The following GRAMD1B variants were observed in gnomAD, a reference collection of about 807,000 sequenced individuals.
GRAMD1B encodes the protein protein Aster-B.
A neutral mutation model predicts 99.7 loss-of-function variants in GRAMD1B; 37 were observed. That is an observed-to-expected ratio of 0.37 (90% CI 0.29 to 0.49). The LOEUF (loss-of-function observed/expected upper bound fraction) is 0.49, where lower values mean the gene tolerates loss of function less well. GRAMD1B is among the 20% of genes least tolerant of loss of function. The pLI is 0.98. For synonymous variants in GRAMD1B, 427 were observed against 387.6 expected, an observed-to-expected ratio of 1.10 and a Z score of -1.19; for missense variants, 888 against 1,009.2, an observed-to-expected ratio of 0.88 and a Z score of 1.63.
At chr11:123,369,433 A>G (rs1346459692) in intron 1 of GRAMD1B, among the ~76,000 whole-genome samples, 1 of 152,256 alleles carries the variant, frequency 6.6e-6, no homozygotes, top group Non-Finnish European at 1.5e-5. Context: ...AACAGAATCT[A>G]GCAAAAAATA....
chr11:123,389,300 C>T (rs938328859), intron 1 of GRAMD1B, among the ~76,000 whole-genome samples: 7 of 151,486 alleles, frequency 4.6e-5, no homozygotes, highest in South Asian at 4.2e-4. Flanking sequence ...AGGAGAATGG[C>T]GAGATCCTGG....
chr11:123,474,893 C>T (rs60778788), intron 1 of GRAMD1B, among the ~76,000 whole-genome samples: 2,576 of 152,198 alleles, frequency 0.017, 85 homozygotes, highest in African/African-American at 0.058. Flanking sequence ...ATGTAGTTTC[C>T]ATCAGGCTCT....
intron 1 of GRAMD1B, among the ~76,000 whole-genome samples, chr11:123,400,802 C>T (rs1044230056): frequency 6.6e-6 from 1 of 152,124 alleles, no homozygotes; most frequent in African/African-American, 2.4e-5. Context: ...ATATGGTTTG[C>T]ATATATGTTC....
At chr11:123,618,425 A>G (rs1467472649) in intron 17 of GRAMD1B, 13 of 1,437,782 alleles carry the variant, frequency 9.0e-6, no homozygotes, top group Non-Finnish European at 1.2e-5. Context: ...CTCTTCCCCC[A>G]GGTGCCCAGG....
intron 1 of GRAMD1B, among the ~76,000 whole-genome samples, chr11:123,360,427 G>A (rs1946099573): frequency 6.6e-6 from 1 of 152,200 alleles, no homozygotes; most frequent in Non-Finnish European, 1.5e-5. Context: ...ACTTGCTTAG[G>A]AGATCTCATC....
At chr11:123,393,343 G>C (rs547663149) in intron 1 of GRAMD1B, among the ~76,000 whole-genome samples, 4 of 152,136 alleles carry the variant, frequency 2.6e-5, no homozygotes, top group Non-Finnish European at 5.9e-5. Flanking sequence ...AAATTACCCA[G>C]AACATAGCAA....
intron 2 of GRAMD1B, among the ~76,000 whole-genome samples, chr11:123,567,473 C>T (rs1947517384): frequency 6.6e-6 from 1 of 152,154 alleles, no homozygotes; most frequent in Non-Finnish European, 1.5e-5. Flanking sequence ...TTTGAAATAT[C>T]CTTTGAGATA....
chr11:123,382,892 C>A (rs1390897287), intron 1 of GRAMD1B, among the ~76,000 whole-genome samples: 1 of 152,198 alleles, frequency 6.6e-6, no homozygotes, highest in Non-Finnish European at 1.5e-5. Context: ...AGCTGAGGGA[C>A]AAGCCCCTGT....
Position 123,595,541 on chromosome 11 carries a change from G to A in GRAMD1B, c.874-401G>A, listed in dbSNP as rs145736818. 4.1e-3 allele frequency among the ~76,000 whole-genome samples: 628 copies of A among 152,160 alleles called. 4 individuals carry two copies. The highest frequency in any genetic ancestry group is 0.014 in the South Asian group (67 of 4,806). ...ACTGCCGACCTCAGGTGATCCGCCC[G>A]CCTCCGCCTCCCAAAGTGCTGTGAT... On this transcript the variant is annotated intron_variant, in intron 6 of 19. Coordinates refer to ENST00000635736, the MANE Select transcript of GRAMD1B (RefSeq NM_001387025.1).
intron 2 of GRAMD1B, among the ~76,000 whole-genome samples, chr11:123,540,261 G>A (rs547442287): frequency 4.7e-4 from 70 of 148,854 alleles, no homozygotes; most frequent in African/African-American, 1.7e-3. Flanking sequence ...TGTATTTTTT[G>A]TATAGACGGA....
intron 2 of GRAMD1B, among the ~76,000 whole-genome samples, chr11:123,557,059 T>C (rs1396457038): frequency 1.3e-5 from 2 of 152,222 alleles, no homozygotes; most frequent in African/African-American, 4.8e-5. Flanking sequence ...CCATGTACTA[T>C]AGGCAAGTTA....
chr11:123,395,545 A>G (rs1342803637), intron 1 of GRAMD1B, among the ~76,000 whole-genome samples: 1 of 152,200 alleles, frequency 6.6e-6, no homozygotes, highest in Non-Finnish European at 1.5e-5. Context: ...GACAAAGAAA[A>G]TATCAGAGTT....
Position 123,626,320 on chromosome 11 carries a change from A to T in GRAMD1B, c.*3725A>T, listed in dbSNP as rs368185437. 6.6e-6 allele frequency: 1 copy of T among 152,218 alleles called. No homozygotes were observed. Among genetic ancestry groups the T allele is most frequent in the Non-Finnish European group, 1.5e-5 (1 of 68,078 alleles). The allele number at this position is 152,218 out of a possible 1,614,324, so 9.4% of individuals were successfully genotyped here. On this transcript the variant is annotated 3_prime_UTR_variant, in exon 20 of 20. Coordinates refer to ENST00000635736, the MANE Select transcript of GRAMD1B (RefSeq NM_001387025.1). ...GGAATGACATGGGGAGGACAAAGAG[A>T]GCTCAAGAGGAATGCTTTGTGAGAA...
intron 1 of GRAMD1B, among the ~76,000 whole-genome samples, chr11:123,380,422 A>G (rs1234407032): frequency 1.3e-5 from 2 of 152,228 alleles, no homozygotes; most frequent in African/African-American, 2.4e-5. Context: ...TAGAGGAAAA[A>G]GAGTTTAGCA....
chr11:123,612,912 C>T lies in GRAMD1B; in HGVS notation c.2023+48C>T, dbSNP rs142865132. 6.6e-6 allele frequency: 7 copies of T among 1,068,438 alleles called. No individual in the cohort carries two copies. The African/African-American group carries it at 9.3e-5, about 14-fold the overall frequency. The allele number at this position is 1,068,438 out of a possible 1,614,324, so 66.2% of individuals were successfully genotyped here. A position where few individuals can be genotyped will look rare whatever the true frequency, so the allele number is the denominator to read the frequency against. ...CTAGCTGGGCTGCAGAGATGGTAAA[C>T]TGCACTGCGGCCGCCCACCATTCAG... On this transcript the variant is annotated intron_variant, in intron 15 of 19. Coordinates refer to ENST00000635736, the MANE Select transcript of GRAMD1B (RefSeq NM_001387025.1).
intron 1 of GRAMD1B, among the ~76,000 whole-genome samples, chr11:123,370,380 G>T (rs1372828037): frequency 1.6e-5 from 2 of 124,396 alleles, no homozygotes; most frequent in South Asian, 2.5e-4. Context: ...TCACTCTGTC[G>T]CCCAGGCTGG....
At position 123,610,090 on chromosome 11, in the gene GRAMD1B, G is replaced by T. The variant is rs1009410984; in HGVS notation, c.1777-106G>T. 15 of 1,007,264 alleles carry T rather than the reference G, an allele frequency of 1.5e-5. No individual in the cohort carries two copies. The East Asian group carries it at 3.7e-4, about 25-fold the overall frequency. The allele number at this position is 1,007,264 out of a possible 1,614,324, so 62.4% of individuals were successfully genotyped here. Reference sequence around the variant, plus strand: ...TGATTCCAGTGATCCTGGTTCTCCTGTTCAGAAGCCGTGGGGTGGGGTGGG... The same window carrying T: ...TGATTCCAGTGATCCTGGTTCTCCTTTTCAGAAGCCGTGGGGTGGGGTGGG... On this transcript the variant is annotated intron_variant, in intron 13 of 19. Transcript: ENST00000635736. The surrounding 1 kb of genome is among the most constrained non-coding windows in gnomAD (Gnocchi z 4.1).
chr11:123,586,227 C>A (rs1200899081), intron 4 of GRAMD1B, among the ~76,000 whole-genome samples: 2 of 152,150 alleles, frequency 1.3e-5, no homozygotes, highest in Non-Finnish European at 2.9e-5. Context: ...AGCGGAGGAG[C>A]TGGGCGTGAC....
chr11:123,586,020 G>T (rs2136382811), intron 4 of GRAMD1B, among the ~76,000 whole-genome samples: 1 of 151,980 alleles, frequency 6.6e-6, no homozygotes, highest in East Asian at 1.9e-4. Context: ...CATTCTCCCG[G>T]CTAGGTTTCC....
Sources: gnomAD v4.1 joint callset for allele counts (sites outside exome capture counted in the v4.1 genomes callset) on GRCh38, gnomAD v4.1.1 for gene constraint, Gnocchi (gnomAD v3.1) non-coding constraint, MANE v1.5 for transcripts, NCBI Gene and HGNC (gene_info 2026-07-23, HGNC 2026-07-21) for gene names.